Variants in TRUB1 observed in about 807,000 individuals in gnomAD.
The protein encoded by TRUB1 is TruB pseudouridine synthase family member 1, also known as pseudouridylate synthase TRUB1.
Under a neutral mutation model 33.9 loss-of-function variants are expected in TRUB1, and 23 were observed. That is an observed-to-expected ratio of 0.68 (90% confidence interval 0.49 to 0.96). The LOEUF (loss-of-function observed/expected upper bound fraction) is 0.96. Ranked by LOEUF, TRUB1 falls within the 40% of genes least tolerant of loss-of-function variation. The pLI is 0.00. For synonymous variants in TRUB1, 163 were observed against 165.4 expected (o/e 0.99, Z 0.11); for missense variants, 378 against 422.2 (o/e 0.90, Z 0.92).
chr10:114,968,463 C>T (rs902128555), intron 4 of TRUB1, among the ~76,000 whole-genome samples: 2 of 152,340 alleles, frequency 1.3e-5, no homozygotes, highest in African/African-American at 2.4e-5. Flanking sequence ...AGCATGGTGA[C>T]AGCATTGGCT....
At chr10:114,949,561 G>T (rs2084225220) in intron 2 of TRUB1, among the ~76,000 whole-genome samples, 1 of 152,180 alleles carries the variant, frequency 6.6e-6, no homozygotes, top group Non-Finnish European at 1.5e-5. Flanking sequence ...AGTTGGTGCT[G>T]TAGGCACTGG....
intron 2 of TRUB1, among the ~76,000 whole-genome samples, chr10:114,946,141 G>A (rs1012897938): frequency 6.6e-6 from 1 of 152,082 alleles, no homozygotes; most frequent in African/African-American, 2.4e-5. Flanking sequence ...TTTGTACACT[G>A]GCTACTGGCT....
chr10:114,956,646 T>C (rs1379226206), intron 3 of TRUB1, among the ~76,000 whole-genome samples: 2 of 152,310 alleles, frequency 1.3e-5, no homozygotes, highest in East Asian at 1.9e-4. Context: ...TCAGGGTGTC[T>C]GTTGAAATTG....
intron 6 of TRUB1, 67 bp downstream of exon 6, chr10:114,972,341 G>C: frequency 1.3e-6 from 2 of 1,498,982 alleles, no homozygotes; most frequent in Non-Finnish European, 1.8e-6. Flanking sequence ...GGCTACTTTT[G>C]TGTCATTTTA....
intron 4 of TRUB1, among the ~76,000 whole-genome samples, chr10:114,969,776 G>T (rs2084327327): frequency 6.6e-6 from 1 of 150,840 alleles, no homozygotes; most frequent in Non-Finnish European, 1.5e-5. Flanking sequence ...CAGAGAAGGG[G>T]GAGGCTGGGG....
At chr10:114,974,279 T>C in intron 6 of TRUB1, 50 bp from the exon 7 acceptor site, 1 of 1,370,386 alleles carries the variant, frequency 7.3e-7, no homozygotes, top group Non-Finnish European at 1.0e-6. Context: ...CTATGTAAAG[T>C]GGATTTCATA....
intron 4 of TRUB1, among the ~76,000 whole-genome samples, chr10:114,965,131 G>A (rs774118903): frequency 7.3e-5 from 11 of 151,622 alleles, no homozygotes; most frequent in South Asian, 2.1e-4. Flanking sequence ...AGGTTTCACC[G>A]TGTTAGCCAG....
chr10:114,956,550 T>C (rs1417243044), intron 3 of TRUB1, among the ~76,000 whole-genome samples: 1 of 152,172 alleles, frequency 6.6e-6, no homozygotes, highest in Admixed American at 6.5e-5. Context: ...TAATTATAAC[T>C]AGATGCCAGG....
chr10:114,946,883 G>A (rs2084213795), intron 2 of TRUB1, among the ~76,000 whole-genome samples: 4 of 152,146 alleles, frequency 2.6e-5, no homozygotes, highest in Admixed American at 2.6e-4. Flanking sequence ...CTCTAAAGGT[G>A]TCTGTGTCCT....
rs2084331271 is a variant in TRUB1 at position 114,970,535 on chromosome 10, A to G, written c.596+95A>G. 7 of 932,270 alleles carry G rather than the reference A, an allele frequency of 7.5e-6. No homozygotes were observed. In the South Asian group the frequency reaches 1.0e-4, roughly 14 times the overall value. 57.7% of individuals were successfully genotyped at this position (932,270 alleles called of 1,614,324 possible). ...AAATACACGAGTTTCCTCTTAGCAT[A>G]TGGCAAGGCAGGTTTTAAATCTGAT... is the stretch of plus-strand genomic sequence containing the variant. On this transcript the variant is annotated intron_variant, in intron 5 of 7. Transcript: ENST00000298746.
At chr10:114,967,771 A>G (rs1230084473) in intron 4 of TRUB1, among the ~76,000 whole-genome samples, 1 of 152,196 alleles carries the variant, frequency 6.6e-6, no homozygotes, top group Non-Finnish European at 1.5e-5. Context: ...TGTCATAAGA[A>G]CGATTATTAT....
chr10:114,942,518 C>T (rs2084192413), intron 1 of TRUB1, 127 bp from the exon 2 acceptor site: 2 of 610,850 alleles, frequency 3.3e-6, no homozygotes, highest in Non-Finnish European at 5.8e-6. Context: ...AGTCTCTTAA[C>T]ATGTAAAGTT....
At chr10:114,972,305 T>A (rs1396458801) in intron 6 of TRUB1, 31 bp downstream of exon 6, 1 of 1,566,736 alleles carries the variant, frequency 6.4e-7, no homozygotes, top group Admixed American at 2.1e-5. Flanking sequence ...ATCATTTGTA[T>A]TTACGTGTAT....
chr10:114,961,487 T>C (rs1452004249), intron 4 of TRUB1, among the ~76,000 whole-genome samples: 1 of 152,200 alleles, frequency 6.6e-6, no homozygotes, highest in East Asian at 1.9e-4. Flanking sequence ...ATATCCTTTC[T>C]TCCTATTCTT....
In TRUB1 at chr10:114,972,225, T is replaced by C. The variant is rs1289720790; in HGVS notation, c.687T>C (p.Thr229=). 6.2e-7 allele frequency: 1 copy of C among 1,613,378 alleles called. No individual in the cohort carries two copies. Residue 229 remains threonine, a synonymous_variant, in exon 6 of 8, where the codon ACT becomes ACC. Coordinates refer to ENST00000298746, the MANE Select transcript of TRUB1 (RefSeq NM_139169.5). ...AAGCAAAACCTGCCAGGCCAGTGAC[T>C]GTATACAGTATCTCCCTTCAAAAAT... is the stretch of plus-strand genomic sequence containing the variant. ...VVEAKPARPV[T]VYSISLQKFQ... is the part of the protein sequence containing the mutation.
chr10:114,944,739 C>T (rs866419032), intron 2 of TRUB1, among the ~76,000 whole-genome samples: 1 of 152,104 alleles, frequency 6.6e-6, no homozygotes, highest in Admixed American at 6.5e-5. Context: ...AATCCCAGTA[C>T]TTTGGGAGGC....
intron 1 of TRUB1, among the ~76,000 whole-genome samples, chr10:114,938,871 C>T (rs75107763): frequency 6.6e-6 from 1 of 152,146 alleles, no homozygotes; most frequent in Non-Finnish European, 1.5e-5. Flanking sequence ...GGATGAACCC[C>T]AAAAGGAAGT....
intron 3 of TRUB1, among the ~76,000 whole-genome samples, chr10:114,956,555 G>T (rs2084262463): frequency 6.6e-6 from 1 of 152,278 alleles, no homozygotes; most frequent in Non-Finnish European, 1.5e-5. Context: ...ATAACTAGAT[G>T]CCAGGACAAG....
chr10:114,959,061 G>C (rs558296059), intron 3 of TRUB1, among the ~76,000 whole-genome samples: 1 of 152,096 alleles, frequency 6.6e-6, no homozygotes, highest in Non-Finnish European at 1.5e-5. Context: ...GCTTGAACCC[G>C]GGGGACGGAG....
Sources: gnomAD v4.1 joint callset for allele counts (sites outside exome capture counted in the v4.1 genomes callset) on GRCh38, gnomAD v4.1.1 for gene constraint, MANE v1.5 for transcripts, NCBI Gene and HGNC (gene_info 2026-07-23, HGNC 2026-07-21) for gene names.